The following FOXN2 variants were observed in gnomAD, a reference collection of about 807,000 sequenced individuals.
FOXN2 encodes the protein forkhead box N2.
FOXN2 carries 19 observed loss-of-function variants against 41.2 expected under a neutral mutation model. That is an observed-to-expected ratio of 0.46 (90% CI 0.32 to 0.68). The LOEUF (loss-of-function observed/expected upper bound fraction) is 0.68, where lower values mean the gene tolerates loss of function less well. Ranked by LOEUF, FOXN2 falls within the 30% of genes least tolerant of loss-of-function variation. The pLI, the probability that FOXN2 is intolerant of heterozygous loss-of-function variation, is 0.03. For synonymous variants in FOXN2, 195 were observed against 176.8 expected (o/e 1.10, Z -0.82); for missense variants, 587 against 509.4 (o/e 1.15, Z -1.47).
chr2:48,338,240 C>G (rs1213476951), intron 2 of FOXN2, among the ~76,000 whole-genome samples: 1 of 152,148 alleles, frequency 6.6e-6, no homozygotes, highest in Non-Finnish European at 1.5e-5. Context: ...TTGGCCTGTT[C>G]TTTAGTAGGA....
intron 2 of FOXN2, among the ~76,000 whole-genome samples, chr2:48,342,335 A>G (rs929947420): frequency 1.3e-5 from 2 of 152,090 alleles, no homozygotes; most frequent in African/African-American, 2.4e-5. Context: ...ATAGTTTTCC[A>G]TTATCTTTAA....
At chr2:48,344,077 CA>C (rs1247148369) in intron 2 of FOXN2, among the ~76,000 whole-genome samples, 1 of 152,040 alleles carries the variant, frequency 6.6e-6, no homozygotes, top group Non-Finnish European at 1.5e-5. Flanking sequence ...TTTAAGGAAG[CA>C]AGACATTATT....
intron 3 of FOXN2, among the ~76,000 whole-genome samples, chr2:48,355,634 A>T (rs755664745): frequency 3.9e-5 from 6 of 152,142 alleles, no homozygotes; most frequent in Non-Finnish European, 8.8e-5. Flanking sequence ...GTGGAAGCCA[A>T]ATATACTTAG....
chr2:48,319,971 G>A (rs1330723046), intron 1 of FOXN2, among the ~76,000 whole-genome samples: 2 of 151,382 alleles, frequency 1.3e-5, no homozygotes, highest in African/African-American at 2.4e-5. Flanking sequence ...GGGTTAGTGT[G>A]GTTATTCTGG....
At chr2:48,351,459 G>A (rs1331713467) in intron 3 of FOXN2, among the ~76,000 whole-genome samples, 2 of 152,186 alleles carry the variant, frequency 1.3e-5, no homozygotes, top group Non-Finnish European at 2.9e-5. Context: ...GAGAGAAGTT[G>A]ATTAATTATT....
intron 1 of FOXN2, among the ~76,000 whole-genome samples, chr2:48,316,476 A>G (rs1668927147): frequency 6.6e-6 from 1 of 152,336 alleles, no homozygotes; most frequent in Non-Finnish European, 1.5e-5. Context: ...TTACATAAAA[A>G]TTGTGATCTA....
chr2:48,353,064 T>C (rs1482599005), intron 3 of FOXN2, among the ~76,000 whole-genome samples: 2 of 152,200 alleles, frequency 1.3e-5, no homozygotes, highest in Non-Finnish European at 2.9e-5. Context: ...TAGATCCAGA[T>C]AGATGTGTGA....
At chr2:48,348,502 G>T (rs777038629) in intron 3 of FOXN2, among the ~76,000 whole-genome samples, 4 of 152,132 alleles carry the variant, frequency 2.6e-5, no homozygotes, top group Non-Finnish European at 5.9e-5. Context: ...TTTGCTGACT[G>T]TTTTAATCTC....
chr2:48,316,162 T>G (rs966818962), intron 1 of FOXN2, among the ~76,000 whole-genome samples: 13 of 152,186 alleles, frequency 8.5e-5, no homozygotes, highest in African/African-American at 2.7e-4. Context: ...CATTCATGCC[T>G]GTACCTGTTC....
intron 4 of FOXN2, among the ~76,000 whole-genome samples, 166 bp from the exon 5 acceptor site, chr2:48,362,477 G>C (rs972063951): frequency 6.6e-6 from 1 of 152,128 alleles, no homozygotes; most frequent in Non-Finnish European, 1.5e-5. Flanking sequence ...GCTAAGGTGG[G>C]AGGATCACCT....
chr2:48,342,534 C>A (rs1174987188), intron 2 of FOXN2, among the ~76,000 whole-genome samples: 1 of 151,846 alleles, frequency 6.6e-6, no homozygotes, highest in Non-Finnish European at 1.5e-5. Context: ...GGTCCTTGCC[C>A]AAAATTGTTT....
In FOXN2 at chr2:48,376,630, C is replaced by T. The variant is rs765511651; in HGVS notation, c.*1187C>T. 2.0e-5 allele frequency: 3 copies of T among 152,438 alleles called. No individual in the cohort carries two copies. Among genetic ancestry groups the T allele is most frequent in the Non-Finnish European group, 2.9e-5 (2 of 67,914 alleles). 9.4% of individuals were successfully genotyped at this position (152,438 alleles called of 1,614,324 possible). A position where few individuals can be genotyped will look rare whatever the true frequency, so the allele number is the denominator to read the frequency against. On this transcript the variant is annotated 3_prime_UTR_variant, in exon 7 of 7. Coordinates refer to ENST00000340553, the MANE Select transcript of FOXN2 (RefSeq NM_002158.4). ...CATTGATCCATGAGAAAAAGATTTT[C>T]TGGTACTACTCCAAAAGTGCTTTGA...
rs1386501350 is a variant in FOXN2, at chr2:48,369,495, G to GC, written c.704-3795dup. Among the ~76,000 whole-genome samples, 12 of 152,116 alleles carry GC rather than the reference G, an allele frequency of 7.9e-5. 1 individual carries two copies. Among genetic ancestry groups the GC allele is most frequent in the Non-Finnish European group, 1.8e-4 (12 of 68,014 alleles). ...AGAGGTGGCAGTAAGCTGAGATGGT[G>GC]CCATTGCACTCCAGCCTGGACGACA... is the stretch of plus-strand genomic sequence containing the variant. On this transcript the variant is annotated intron_variant, in intron 5 of 6. Transcript: ENST00000340553.
At chr2:48,349,781 T>C (rs1671339454) in intron 3 of FOXN2, among the ~76,000 whole-genome samples, 1 of 152,152 alleles carries the variant, frequency 6.6e-6, no homozygotes, top group South Asian at 2.1e-4. Context: ...ATAAATAAAA[T>C]GTGACAGGGT....
chr2:48,353,503 A>G (rs1204358291), intron 3 of FOXN2, among the ~76,000 whole-genome samples: 2 of 151,362 alleles, frequency 1.3e-5, no homozygotes, highest in Non-Finnish European at 2.9e-5. Context: ...ACTAGGGAAG[A>G]TATGAGAGCT....
chr2:48,368,270 T>G (rs1252438073), intron 5 of FOXN2, among the ~76,000 whole-genome samples: 1 of 152,218 alleles, frequency 6.6e-6, no homozygotes, highest in African/African-American at 2.4e-5. Context: ...TTATTGTTTT[T>G]AAAAACAGAG....
intron 2 of FOXN2, among the ~76,000 whole-genome samples, chr2:48,345,736 G>A (rs1211588383): frequency 1.3e-5 from 2 of 151,938 alleles, no homozygotes; most frequent in Non-Finnish European, 2.9e-5. Context: ...TTTGAGGAAA[G>A]GGTTTATTTT....
rs757764607 is a variant in FOXN2, at chr2:48,334,424, GT to G, written c.-15+5723del. ...GAGAAAGGAAAACATAAGAAATTAT[GT>G]GCTAAAATAAAGGATAATGTACTTT... On this transcript the variant is annotated intron_variant, in intron 2 of 6. Transcript: ENST00000340553. Among the ~76,000 whole-genome samples, 6 of 152,228 alleles carry G rather than the reference GT, an allele frequency of 3.9e-5. No homozygotes were observed. In the East Asian group the frequency reaches 1.2e-3, roughly 29 times the overall value.
intron 3 of FOXN2, among the ~76,000 whole-genome samples, chr2:48,349,681 A>G (rs112473480): frequency 0.021 from 3,267 of 152,282 alleles, 47 homozygotes; most frequent in Non-Finnish European, 0.029. Context: ...AGGCTGAAGC[A>G]GGAGAATTGC....
Sources: gnomAD v4.1 joint callset for allele counts (sites outside exome capture counted in the v4.1 genomes callset) on GRCh38, gnomAD v4.1.1 for gene constraint, MANE v1.5 for transcripts, NCBI Gene and HGNC (gene_info 2026-07-23, HGNC 2026-07-21) for gene names.